Variants in DDC observed in about 807,000 individuals in gnomAD.
The protein encoded by DDC is aromatic-L-amino-acid decarboxylase.
In DDC, 43 loss-of-function variants were observed where a neutral mutation model predicts 60.0. The ratio of observed to expected loss-of-function variants is 0.72; its 90% CI spans 0.56 to 0.92. DDC has a LOEUF of 0.92. DDC is among the 40% of genes least tolerant of loss of function. The probability of loss-of-function intolerance (pLI) is 0.00; values close to 1 mark genes in which losing one functional copy is unlikely to be tolerated. For synonymous variants in DDC, 232 were observed against 234.6 expected (o/e 0.99, Z 0.10); for missense variants, 573 against 620.2 (o/e 0.92, Z 0.81).
At position 50,554,913 on chromosome 7, in the gene DDC, G is replaced by C. The variant is rs373038282; in HGVS notation, c.-29+10372C>G. Among the ~76,000 whole-genome samples the C allele has an allele frequency of 9.7e-4, 147 of 152,144 alleles. 1 individual carries two copies. The highest frequency in any genetic ancestry group is 1.8e-3 in the Non-Finnish European group (120 of 68,016). ...GTTCTGGGAGGCAGCATGGCACTGC[G>C]GGGGAGAAGGGTGGACTCTGGATCC... On this transcript the variant is annotated intron_variant, in intron 1 of 14. Transcript: ENST00000444124.
At chr7:50,506,800 G>A (rs963777789) in intron 6 of DDC, among the ~76,000 whole-genome samples, 1 of 152,194 alleles carries the variant, frequency 6.6e-6, no homozygotes, top group African/African-American at 2.4e-5. Flanking sequence ...AGGTGCCAAC[G>A]GGCTAACATC....
Position 50,564,636 on chromosome 7 carries a change from G to A in DDC, c.-29+649C>T, listed in dbSNP as rs760646034. Among the ~76,000 whole-genome samples the A allele has an allele frequency of 1.4e-4, 22 of 152,170 alleles. 1 individual carries two copies. Among genetic ancestry groups the A allele is most frequent in the Non-Finnish European group, 2.5e-4 (17 of 68,018 alleles). On this transcript the variant is annotated intron_variant, in intron 1 of 14. Coordinates refer to ENST00000444124, the MANE Select transcript of DDC (RefSeq NM_001082971.2). Reference sequence around the variant, plus strand: ...AGGAGAACTTCGACTCCTTGAAGTCGATAACCGAACAATTCTCCCAATAGA... The same window carrying A: ...AGGAGAACTTCGACTCCTTGAAGTCAATAACCGAACAATTCTCCCAATAGA...
chr7:50,495,323 C>T, intron 9 of DDC, 27 bp downstream of exon 9: 2 of 1,580,414 alleles, frequency 1.3e-6, no homozygotes, highest in Non-Finnish European at 1.7e-6. Flanking sequence ...GGACAGGCAA[C>T]TGACATCTGT....
intron 9 of DDC, among the ~76,000 whole-genome samples, chr7:50,487,253 T>A (rs1048979431): frequency 6.6e-6 from 1 of 152,152 alleles, no homozygotes; most frequent in African/African-American, 2.4e-5. Flanking sequence ...GTTTTAGTAA[T>A]CTTTGGTAAG....
At chr7:50,469,422 G>A (rs1030232729) in intron 12 of DDC, among the ~76,000 whole-genome samples, 2 of 152,084 alleles carry the variant, frequency 1.3e-5, no homozygotes, top group African/African-American at 4.8e-5. Flanking sequence ...GAGAACCACT[G>A]GACTAGGGAA....
rs5884158 is a variant in DDC at position 50,553,484 on chromosome 7, C to CTTTTTTTTTT, written c.-28-9381_-28-9372dup. ...TTTTTTCTTTTCTTTTCTTTCTTTT[C>CTTTTTTTTTT]TTTTTTTTTTTTTTTTTTTTGAGAT... On this transcript the variant is annotated intron_variant, in intron 1 of 14. Coordinates refer to ENST00000444124, the MANE Select transcript of DDC (RefSeq NM_001082971.2). Among the ~76,000 whole-genome samples the CTTTTTTTTTT allele has an allele frequency of 1.4e-3, 126 of 90,916 alleles. 1 individual carries two copies. Among genetic ancestry groups the CTTTTTTTTTT allele is most frequent in the East Asian group, 2.4e-3 (8 of 3,350 alleles). The allele number at this position is 90,916 out of a possible 152,430, so 59.6% of individuals were successfully genotyped here.
intron 14 of DDC, among the ~76,000 whole-genome samples, chr7:50,462,226 C>CA (rs11410259): frequency 0.33 from 24,901 of 74,946 alleles, 3,309 homozygotes; most frequent in Admixed American, 0.38. Flanking sequence ...GACAAAAAGA[C>CA]AAAAAAAAAA....
chr7:50,557,279 G>A (rs2045217178), intron 1 of DDC, among the ~76,000 whole-genome samples: 1 of 152,178 alleles, frequency 6.6e-6, no homozygotes, highest in Admixed American at 6.5e-5. Flanking sequence ...CCGTGGAAAG[G>A]AGCCATAGAG....
intron 6 of DDC, among the ~76,000 whole-genome samples, chr7:50,521,904 T>C (rs970022129): frequency 3.9e-5 from 6 of 152,016 alleles, no homozygotes; most frequent in Non-Finnish European, 7.4e-5. Flanking sequence ...ACTACTCCTA[T>C]CAACATTGTA....
At chr7:50,535,885 C>T (rs2153547889) in intron 4 of DDC, among the ~76,000 whole-genome samples, 1 of 152,316 alleles carries the variant, frequency 6.6e-6, no homozygotes, top group African/African-American at 2.4e-5. Context: ...CCAATCCAAT[C>T]ATATGTGTCC....
chr7:50,510,253 G>A (rs934830067), intron 6 of DDC, among the ~76,000 whole-genome samples: 1 of 152,096 alleles, frequency 6.6e-6, no homozygotes, highest in African/African-American at 2.4e-5. Context: ...GAGATTACAG[G>A]TGTGAGCCAC....
intron 6 of DDC, among the ~76,000 whole-genome samples, chr7:50,525,858 A>G (rs1372737206): frequency 6.6e-6 from 1 of 152,130 alleles, no homozygotes; most frequent in Non-Finnish European, 1.5e-5. Context: ...TAAAGAGATT[A>G]ATTGGTAAAT....
chr7:50,508,270 C>T (rs1051647806), intron 6 of DDC, among the ~76,000 whole-genome samples: 1 of 152,242 alleles, frequency 6.6e-6, no homozygotes, highest in African/African-American at 2.4e-5. Context: ...ATTACTCCAG[C>T]TCAGCATTGC....
chr7:50,524,670 A>C (rs899877005), intron 6 of DDC, among the ~76,000 whole-genome samples: 1 of 152,220 alleles, frequency 6.6e-6, no homozygotes, highest in Non-Finnish European at 1.5e-5. Context: ...GACAATACCA[A>C]ATGCTGGTAA....
At chr7:50,529,439 C>A in intron 4 of DDC, 97 bp from the exon 5 acceptor site, 1 of 1,477,538 alleles carries the variant, frequency 6.8e-7, no homozygotes, top group Non-Finnish European at 9.4e-7. Context: ...CCATAGTTTT[C>A]TTAAAATATG....
intron 14 of DDC, among the ~76,000 whole-genome samples, chr7:50,459,882 G>A (rs1375720116): frequency 8.4e-5 from 12 of 143,054 alleles, no homozygotes; most frequent in South Asian, 2.2e-4. Flanking sequence ...GAGGGAGGTG[G>A]GGGGGTCAGC....
At chr7:50,535,810 C>T (rs1327270377) in intron 4 of DDC, among the ~76,000 whole-genome samples, 1 of 152,212 alleles carries the variant, frequency 6.6e-6, no homozygotes, top group Non-Finnish European at 1.5e-5. Flanking sequence ...GAAAAGGTGA[C>T]TTTGCTGATG....
intron 6 of DDC, among the ~76,000 whole-genome samples, chr7:50,518,970 A>G (rs2043814015): frequency 6.6e-6 from 1 of 152,242 alleles, no homozygotes; most frequent in Non-Finnish European, 1.5e-5. Flanking sequence ...GAGTGGGAGG[A>G]AATCTTCACA....
chr7:50,465,088 G>A (rs766712251), intron 13 of DDC, among the ~76,000 whole-genome samples: 58 of 152,186 alleles, frequency 3.8e-4, no homozygotes, highest in Non-Finnish European at 1.3e-4. Context: ...ACACAGATGG[G>A]TTTGGTGGCA....
Sources: gnomAD v4.1 joint callset for allele counts (sites outside exome capture counted in the v4.1 genomes callset) on GRCh38, gnomAD v4.1.1 for gene constraint, MANE v1.5 for transcripts, NCBI Gene and HGNC (gene_info 2026-07-23, HGNC 2026-07-21) for gene names.